CD163L1: variants seen among roughly 807,000 people sequenced by gnomAD.
CD163L1 encodes the protein scavenger receptor cysteine-rich type 1 protein M160.
Under a neutral mutation model 165.4 loss-of-function variants are expected in CD163L1, and 124 were observed. The ratio of observed to expected loss-of-function variants is 0.75; its 90% confidence interval spans 0.65 to 0.87. The LOEUF is 0.87. CD163L1 is among the 40% of genes least tolerant of loss of function. The pLI, the probability that CD163L1 is intolerant of heterozygous loss-of-function variation, is 0.00. For missense variants in CD163L1, 1,525 were observed against 1,799.9 expected (o/e 0.85, Z 2.76); for synonymous variants, 585 against 662.2 (o/e 0.88, Z 1.79).
chr12:7,326,926 G>A, the CD163L1 span: 1 of 1,534,060 alleles, frequency 6.5e-7, no homozygotes, highest in Non-Finnish European at 8.8e-7. Context: ...GCAAATCCTT[G>A]ATGTGTCTGA....
the CD163L1 span, among the ~76,000 whole-genome samples, chr12:7,334,950 A>C: frequency 1.6e-4 from 25 of 152,280 alleles, no homozygotes; most frequent in Middle Eastern, 3.4e-3. Flanking sequence ...TGAAGGACCT[A>C]TTCAAGGAGA....
intron 4 of CD163L1, among the ~76,000 whole-genome samples, 162 bp from the exon 5 acceptor site, chr12:7,407,014 A>C (rs776164119): frequency 6.6e-6 from 1 of 152,320 alleles, no homozygotes; most frequent in African/African-American, 2.4e-5. Context: ...AATGTAATAG[A>C]ATCTATCCCA....
chr12:7,330,307 A>C, the CD163L1 span, among the ~76,000 whole-genome samples: 1 of 152,186 alleles, frequency 6.6e-6, no homozygotes, highest in Non-Finnish European at 1.5e-5. Context: ...GAAGCCTAAC[A>C]TTTTTACTAC....
Position 7,375,556 on chromosome 12 carries a change from C to T in CD163L1, c.2726G>A (p.Cys909Tyr), listed in dbSNP as rs764119193. The change falls in exon 11 of 20, where the codon TGT becomes TAT. Residue 909 changes from cysteine to tyrosine, a missense_variant. Coordinates refer to ENST00000313599, the MANE Select transcript of CD163L1 (RefSeq NM_174941.6). ...CACGTTGATCTCCACTTGCCCGTCA[C>T]ACTGGGATTTGCCATTCACAAGTCG... Reference protein sequence around the residue: ...DVRLVNGKSQCDGQVEINVLG... With the variant: ...DVRLVNGKSQYDGQVEINVLG... The T allele has an allele frequency of 1.2e-6, 2 of 1,613,552 alleles. No homozygotes were observed. The highest frequency in any genetic ancestry group is 1.1e-5 in the South Asian group (1 of 91,078).
intron 4 of CD163L1, among the ~76,000 whole-genome samples, chr12:7,430,709 G>C (rs747105250): frequency 1.3e-3 from 193 of 152,140 alleles, no homozygotes; most frequent in African/African-American, 4.1e-3. Context: ...TTTATATTTG[G>C]GGAAGGCTTC....
At chr12:7,362,078 T>C (rs1946903727) in intron 18 of CD163L1, among the ~76,000 whole-genome samples, 1 of 149,580 alleles carries the variant, frequency 6.7e-6, no homozygotes, top group African/African-American at 2.4e-5. Flanking sequence ...TTCCATTGTA[T>C]ATATACACAT....
intron 18 of CD163L1, among the ~76,000 whole-genome samples, chr12:7,364,798 AAAG>A (rs1282862073): frequency 6.6e-6 from 1 of 152,194 alleles, no homozygotes; most frequent in Non-Finnish European, 1.5e-5. Flanking sequence ...GGACAAAAAA[AAAG>A]AAGTATATTT....
At chr12:7,376,786 T>C (rs1369104932) in intron 9 of CD163L1, among the ~76,000 whole-genome samples, 1 of 152,192 alleles carries the variant, frequency 6.6e-6, no homozygotes, top group Admixed American at 6.5e-5. Flanking sequence ...TTCTCACCCC[T>C]TCAACCCTAG....
chr12:7,355,240 C>T (rs1357793549), intron 19 of CD163L1, 110 bp from the exon 20 acceptor site: 1 of 152,126 alleles, frequency 6.6e-6, no homozygotes, highest in Non-Finnish European at 1.5e-5. Flanking sequence ...CAAACACACA[C>T]ACAACCCACA....
downstream of CD163L1, among the ~76,000 whole-genome samples, chr12:7,344,322 A>G (rs1655284725): frequency 6.6e-6 from 1 of 152,024 alleles, no homozygotes; most frequent in South Asian, 2.1e-4. Context: ...TCTCAACTAC[A>G]TGCAATCTGC....
At chr12:7,380,209 C>T (rs778024117) in intron 8 of CD163L1, among the ~76,000 whole-genome samples, 3 of 151,732 alleles carry the variant, frequency 2.0e-5, no homozygotes, top group Non-Finnish European at 2.9e-5. Flanking sequence ...CAGCATAAAT[C>T]GCAATTGCAA....
rs775389765 is a variant in CD163L1 at position 7,369,370 on chromosome 12, G to A, written c.4026C>T (p.Gly1342=). The A allele has an allele frequency of 1.4e-5, 22 of 1,613,888 alleles. No homozygotes were observed. The highest frequency in any genetic ancestry group is 4.5e-5 in the East Asian group (2 of 44,886). ...TTTCACACTTACCAGAGCACCTCAC[G>A]CCAGCATCTTCCTTGTGTCCACAGT... is the stretch of plus-strand genomic sequence containing the variant. The part of the protein sequence containing the change: ...QSDCGHKEDA[G]VRCSGQSLKS... Residue 1342 remains glycine (G), a synonymous_variant, in exon 15 of 20, where the codon GGC becomes GGT. Transcript: ENST00000313599. This position sits in a 1 kb window ranked among gnomAD's most constrained non-coding sequence, Gnocchi z 4.9.
the CD163L1 span, among the ~76,000 whole-genome samples, chr12:7,326,255 T>A: frequency 1.3e-5 from 2 of 152,032 alleles, no homozygotes; most frequent in Non-Finnish European, 2.9e-5. Flanking sequence ...CAGGGTGGAG[T>A]GCCGTGGTGC....
chr12:7,391,659 G>T lies in CD163L1; in HGVS notation c.2050+4436C>A, dbSNP rs114598640. Among the ~76,000 whole-genome samples the T allele has an allele frequency of 7.4e-3, 1,126 of 152,214 alleles. 21 individuals carry two copies. The highest frequency in any genetic ancestry group is 0.026 in the African/African-American group (1,081 of 41,552). ...TTGGATAAAGACTCAAGACCCGTCA[G>T]TGTGCTGTATTCAGGAGACCCATCA... On this transcript the variant is annotated intron_variant, in intron 8 of 19. Coordinates refer to ENST00000313599, the MANE Select transcript of CD163L1 (RefSeq NM_174941.6).
At chr12:7,350,272 G>C (rs910896272), downstream of CD163L1, among the ~76,000 whole-genome samples, 4 of 152,172 alleles carry the variant, frequency 2.6e-5, no homozygotes, top group African/African-American at 7.2e-5. Flanking sequence ...CTAGACCTAA[G>C]ATGTGAATCT....
chr12:7,410,295 A>G (rs1948110254), intron 4 of CD163L1, among the ~76,000 whole-genome samples: 1 of 152,158 alleles, frequency 6.6e-6, no homozygotes, highest in Non-Finnish European at 1.5e-5. Context: ...AATTCAGCAG[A>G]AGAAATATTT....
intron 4 of CD163L1, among the ~76,000 whole-genome samples, chr12:7,410,590 C>T (rs1157026311): frequency 2.8e-5 from 4 of 144,212 alleles, no homozygotes; most frequent in Non-Finnish European, 6.0e-5. Flanking sequence ...AGTGACAGAG[C>T]GAGAGTCCAT....
chr12:7,374,771 T>A lies in CD163L1; in HGVS notation c.3095-15A>T, dbSNP rs1947226868. On this transcript the variant is annotated splice_polypyrimidine_tract_variant and intron_variant, in intron 12 of 19. Coordinates refer to ENST00000313599, the MANE Select transcript of CD163L1 (RefSeq NM_174941.6). The surrounding 1 kb of genome is among the most constrained non-coding windows in gnomAD (Gnocchi z 5.4). ...CCGTTTGTCCTCTTAGAGGAGAAAG[T>A]CCAGTTAATAGGTCACATTCTTTAG... 6.2e-7 allele frequency: 1 copy of A among 1,613,766 alleles called. No homozygotes were observed. Among genetic ancestry groups the A allele is most frequent in the Non-Finnish European group, 8.5e-7 (1 of 1,179,740 alleles).
the CD163L1 span, chr12:7,323,226 C>A: frequency 6.2e-7 from 1 of 1,602,942 alleles, no homozygotes; most frequent in Non-Finnish European, 8.5e-7. Context: ...AGCTTGTCCT[C>A]TCAATAGGGA....
Sources: allele counts gnomAD v4.1 joint callset (sites outside exome capture counted in the v4.1 genomes callset), GRCh38; gene constraint gnomAD v4.1.1; non-coding constraint Gnocchi (gnomAD v3.1); transcripts MANE v1.5; gene names NCBI Gene and HGNC (gene_info 2026-07-23, HGNC 2026-07-21).